The following OR51B5 variants were observed in gnomAD, a reference collection of about 807,000 sequenced individuals.
OR51B5 encodes olfactory receptor family 51 subfamily B member 5.
For synonymous variants in OR51B5, 186 were observed against 144.8 expected, an observed-to-expected ratio of 1.28 and a Z score of -2.04; for missense variants, 456 against 374.6, an observed-to-expected ratio of 1.22 and a Z score of -1.79.
chr11:5,501,169 CCTCT>C (rs1289354082), intron 1 of OR51B5, among the ~76,000 whole-genome samples: 3 of 147,600 alleles, frequency 2.0e-5, no homozygotes, highest in Admixed American at 1.4e-4. Flanking sequence ...TAACCTGCAG[CCTCT>C]CTCTGACTTG....
intron 1 of OR51B5, chr11:5,489,068 T>C: frequency 1.2e-6 from 2 of 1,614,084 alleles, no homozygotes; most frequent in Non-Finnish European, 1.7e-6. Flanking sequence ...CTACTTGCCA[T>C]GGCCTTTGAT....
chr11:5,365,740 T>C (rs1273384689), intron 1 of OR51B5, among the ~76,000 whole-genome samples: 2 of 152,174 alleles, frequency 1.3e-5, no homozygotes, highest in Non-Finnish European at 1.5e-5. Context: ...ATTTAAAAAA[T>C]AGATATAAGC....
chr11:5,357,186 A>G (rs1321036723), intron 1 of OR51B5, among the ~76,000 whole-genome samples: 1 of 152,170 alleles, frequency 6.6e-6, no homozygotes, highest in Non-Finnish European at 1.5e-5. Context: ...CGGGCAAATT[A>G]GATAAAGAGT....
At chr11:5,415,786 A>T (rs139912244) in intron 1 of OR51B5, among the ~76,000 whole-genome samples, 21,751 of 152,176 alleles carry the variant, frequency 0.14, 1,862 homozygotes, top group Non-Finnish European at 0.19. Context: ...AATAATCAAT[A>T]GATTACCAAC....
intron 1 of OR51B5, among the ~76,000 whole-genome samples, chr11:5,407,316 CTTTT>C (rs1850072758): frequency 6.6e-6 from 1 of 152,168 alleles, no homozygotes; most frequent in South Asian, 2.1e-4. Flanking sequence ...TACACATTGA[CTTTT>C]ACTAAGTCTT....
intron 1 of OR51B5, among the ~76,000 whole-genome samples, chr11:5,459,241 G>A (rs983800944): frequency 6.6e-6 from 1 of 152,164 alleles, no homozygotes; most frequent in African/African-American, 2.4e-5. Flanking sequence ...TTCTGTTAAA[G>A]AGATGAATCA....
At chr11:5,458,161 G>A (rs996676733) in intron 1 of OR51B5, among the ~76,000 whole-genome samples, 1 of 152,102 alleles carries the variant, frequency 6.6e-6, no homozygotes, top group African/African-American at 2.4e-5. Flanking sequence ...GAAAGGAAGA[G>A]GTCCAGTTTC....
chr11:5,376,575 TAAG>T (rs1849532061), intron 1 of OR51B5, among the ~76,000 whole-genome samples: 1 of 150,348 alleles, frequency 6.7e-6, no homozygotes. Context: ...GCAAGACTAA[TAAG>T]AAAAGAGAGA....
At chr11:5,453,068 T>C (rs1383391519) in intron 1 of OR51B5, among the ~76,000 whole-genome samples, 1 of 152,206 alleles carries the variant, frequency 6.6e-6, no homozygotes, top group Non-Finnish European at 1.5e-5. Flanking sequence ...TATTTAAATA[T>C]TTCCAAGTGC....
intron 1 of OR51B5, among the ~76,000 whole-genome samples, chr11:5,461,639 G>A (rs1851055631): frequency 6.6e-6 from 1 of 152,180 alleles, no homozygotes; most frequent in African/African-American, 2.4e-5. Context: ...CTTGGGCCTT[G>A]CACAGACTGG....
chr11:5,461,384 A>T (rs1051145068), intron 1 of OR51B5, among the ~76,000 whole-genome samples: 2 of 152,180 alleles, frequency 1.3e-5, no homozygotes, highest in East Asian at 3.9e-4. Context: ...AGCCACTGGC[A>T]AGCATTTTGG....
chr11:5,343,121 G>A (rs1316235155), exon 1 of OR51B5: 5 of 1,613,476 alleles, frequency 3.1e-6, no homozygotes, highest in African/African-American at 1.3e-5. Flanking sequence ...TCGAGTATTA[G>A]TAAGTACAGA....
chr11:5,489,565 G>T (rs747297481), intron 1 of OR51B5: 10 of 1,613,836 alleles, frequency 6.2e-6, no homozygotes, highest in Admixed American at 3.3e-5. Context: ...CTATGTGCTG[G>T]TGCCTCCTGT....
chr11:5,497,834 C>A (rs1486069191), intron 1 of OR51B5, among the ~76,000 whole-genome samples: 4 of 152,196 alleles, frequency 2.6e-5, no homozygotes, highest in African/African-American at 9.7e-5. Context: ...CACACACAGT[C>A]TTAGCAGAGA....
intron 1 of OR51B5, among the ~76,000 whole-genome samples, chr11:5,437,569 G>T (rs528513636): frequency 2.0e-5 from 3 of 152,216 alleles, no homozygotes; most frequent in Admixed American, 1.3e-4. Context: ...CTAATTTTAA[G>T]TCCTGGCCTT....
intron 1 of OR51B5, chr11:5,422,042 T>C (rs1272758351): frequency 1.6e-6 from 1 of 616,644 alleles, no homozygotes; most frequent in Non-Finnish European, 2.8e-6. Context: ...AAGGATATCA[T>C]ATATCACAAT....
At chr11:5,380,525 G>T (rs1232396212) in intron 1 of OR51B5, among the ~76,000 whole-genome samples, 1 of 152,140 alleles carries the variant, frequency 6.6e-6, no homozygotes, top group Non-Finnish European at 1.5e-5. Flanking sequence ...AGTCTGTTGT[G>T]AGTCTGGAGA....
intron 1 of OR51B5, among the ~76,000 whole-genome samples, chr11:5,410,488 T>C (rs1566274): frequency 0.81 from 123,657 of 152,144 alleles, 51,309 homozygotes; most frequent in Non-Finnish European, 0.89. Flanking sequence ...GACTTTTCAA[T>C]CAACAACGGA....
chr11:5,445,332 A>G (rs559366327), intron 1 of OR51B5, among the ~76,000 whole-genome samples: 131 of 152,290 alleles, frequency 8.6e-4, no homozygotes, highest in Non-Finnish European at 1.5e-3. Context: ...TCAGATCTCC[A>G]TATTTATTCA....
Sources: allele counts gnomAD v4.1 joint callset (sites outside exome capture counted in the v4.1 genomes callset), GRCh38; gene constraint gnomAD v4.1.1; transcripts MANE v1.5; gene names NCBI Gene and HGNC (gene_info 2026-07-23, HGNC 2026-07-21).